The following CEP350 variants were observed in gnomAD, a reference collection of about 807,000 sequenced individuals.
CEP350 encodes the protein centrosome-associated protein 350.
Under a neutral mutation model 331.8 loss-of-function variants are expected in CEP350, and 126 were observed. The observed-to-expected ratio is 0.38, with a 90% CI of 0.33 to 0.44. The LOEUF is 0.44. CEP350 is among the 20% of genes least tolerant of loss of function. CEP350 has a pLI of 1.00. For synonymous variants in CEP350, 1,200 were observed against 1,259.5 expected (o/e 0.95, Z 1.00); for missense variants, 3,406 against 3,634.6 (o/e 0.94, Z 1.62).
chr1:180,011,968 G>T lies in CEP350; in HGVS notation c.1286G>T (p.Gly429Val). Residue 429 changes from glycine (G) to valine (V), a missense_variant, in exon 9 of 38, where the codon GGA becomes GTA. Physicochemically the swap from Gly to Val is moderately radical, Grantham distance 109. Around this residue, in one of 5 missense-constraint regions of CEP350, gnomAD observed 1,857 missense variants for 1,909.2 expected, o/e 0.97. Coordinates refer to ENST00000367607, the MANE Select transcript of CEP350 (RefSeq NM_014810.5). The part of the protein sequence containing the change: ...HLISTSSWRD[G>V]QKLVKKILGP... ...ATAAGTACATCTTCTTGGCGAGATG[G>T]ACAAAAATTAGTAAAGAAGATTCTG... The T allele has an allele frequency of 6.2e-7, 1 of 1,601,810 alleles. No homozygotes were observed. The highest frequency in any genetic ancestry group is 8.5e-7 in the Non-Finnish European group (1 of 1,173,240).
At chr1:180,061,733 TC>T (rs1199472426) in intron 25 of CEP350, among the ~76,000 whole-genome samples, 1 of 152,228 alleles carries the variant, frequency 6.6e-6, no homozygotes, top group African/African-American at 2.4e-5. Context: ...TGATTCATTG[TC>T]TTTGACTTGT....
chr1:179,980,026 G>A (rs1013755320), intron 1 of CEP350, among the ~76,000 whole-genome samples: 4 of 151,984 alleles, frequency 2.6e-5, no homozygotes, highest in African/African-American at 9.7e-5. Flanking sequence ...TGTCTTTTGT[G>A]TTTCCATATG....
At chr1:179,991,667 A>ATATGTG (rs1553252542) in intron 4 of CEP350, among the ~76,000 whole-genome samples, 7 of 90,210 alleles carry the variant, frequency 7.8e-5, no homozygotes, top group African/African-American at 1.7e-4. Context: ...ATATATATAT[A>ATATGTG]TGTGTGTGTG....
intron 5 of CEP350, 35 bp from the exon 6 acceptor site, chr1:179,996,518 A>G: frequency 7.0e-7 from 1 of 1,427,368 alleles, no homozygotes; most frequent in Non-Finnish European, 9.5e-7. Flanking sequence ...TATATTATTA[A>G]TCATAGTCAC....
At chr1:180,056,402 G>T (rs1014766065) in intron 25 of CEP350, among the ~76,000 whole-genome samples, 1 of 144,598 alleles carries the variant, frequency 6.9e-6, no homozygotes, top group East Asian at 2.0e-4. Flanking sequence ...TGAGCTTCTT[G>T]TATTGGTTTT....
chr1:179,979,599 T>C (rs1459593738), intron 1 of CEP350, among the ~76,000 whole-genome samples: 1 of 151,922 alleles, frequency 6.6e-6, no homozygotes, highest in Non-Finnish European at 1.5e-5. Flanking sequence ...CTTTTGGGGG[T>C]CTTGTTCATA....
At position 180,024,550 on chromosome 1, in the gene CEP350, A is replaced by C; in HGVS notation, c.3518A>C (p.Lys1173Thr). 6.2e-7 allele frequency: 1 copy of C among 1,612,470 alleles called. No individual in the cohort carries two copies. The highest frequency in any genetic ancestry group is 8.5e-7 in the Non-Finnish European group (1 of 1,179,318). Reference sequence around the variant, plus strand: ...TCGTCTCGTTCATCTACTTCTTCTAAAGGAAAGAAAGGAAAAAAGGAAAAG... The same window carrying C: ...TCGTCTCGTTCATCTACTTCTTCTACAGGAAAGAAAGGAAAAAAGGAAAAG... ...AASSRSSTSS[K>T]GKKGKKEKTE... Residue 1173 changes from lysine to threonine, a missense_variant, in exon 14 of 38, where the codon AAA (lysine) becomes ACA (threonine). By Grantham distance (78) the Lys-to-Thr change is moderately conservative. Transcript: ENST00000367607.
chr1:180,103,749 C>T (rs75685679), intron 37 of CEP350, among the ~76,000 whole-genome samples: 33 of 152,134 alleles, frequency 2.2e-4, no homozygotes, highest in African/African-American at 6.7e-4. Flanking sequence ...TCCCAATTCT[C>T]TATGGAACTT....
intron 1 of CEP350, among the ~76,000 whole-genome samples, chr1:179,965,807 G>A (rs1244000808): frequency 1.3e-5 from 2 of 151,586 alleles, no homozygotes; most frequent in Admixed American, 1.3e-4. Flanking sequence ...TGTACTTTTA[G>A]TAGAGACGGG....
chr1:180,111,330 G>A lies in CEP350; in HGVS notation c.*169G>A. The stretch of plus-strand genomic sequence containing the variant: ...ACAATGTGGTACACCTGGTATTACA[G>A]CCTTTGCCTTTCGAGACTATCCACT... On this transcript the variant is annotated 3_prime_UTR_variant, in exon 38 of 38. Transcript: ENST00000367607. The A allele has an allele frequency of 2.6e-6, 2 of 758,930 alleles. No individual in the cohort carries two copies. Among genetic ancestry groups the A allele is most frequent in the South Asian group, 2.1e-5 (1 of 48,722 alleles). 47.0% of individuals were successfully genotyped at this position (758,930 alleles called of 1,614,324 possible). A position where few individuals can be genotyped will look rare whatever the true frequency, so the allele number is the denominator to read the frequency against.
At chr1:180,069,802 A>G (rs1209741935) in intron 27 of CEP350, among the ~76,000 whole-genome samples, 1 of 152,182 alleles carries the variant, frequency 6.6e-6, no homozygotes, top group Non-Finnish European at 1.5e-5. Context: ...ACTATGTTCC[A>G]TTTTTAATTA....
At chr1:179,964,863 T>G (rs1650891473) in intron 1 of CEP350, among the ~76,000 whole-genome samples, 1 of 151,906 alleles carries the variant, frequency 6.6e-6, no homozygotes, top group Admixed American at 6.6e-5. Flanking sequence ...TTTTTTTTGT[T>G]GTTGTTTGTT....
chr1:180,020,489 T>C lies in CEP350; in HGVS notation c.2715T>C (p.Thr905=), dbSNP rs773051900. The change falls in exon 12 of 38, where the codon ACT becomes ACC. Residue 905 remains threonine, a synonymous_variant. Transcript: ENST00000367607. The stretch of plus-strand genomic sequence containing the variant: ...TGGGAAGCTGTGTATCTCATGCAAC[T>C]TTTGATGATGATCTTCCTGGTGTAG... ...KMLGSCVSHA[T]FDDDLPGVGN... The C allele has an allele frequency of 6.2e-7, 1 of 1,614,010 alleles. No homozygotes were observed. The highest frequency in any genetic ancestry group is 1.7e-5 in the Admixed American group (1 of 60,020).
intron 37 of CEP350, among the ~76,000 whole-genome samples, chr1:180,102,472 A>G (rs1558162332): frequency 6.6e-6 from 1 of 152,184 alleles, no homozygotes; most frequent in Non-Finnish European, 1.5e-5. Flanking sequence ...AACAAGGGCT[A>G]TGGGAATTAT....
chr1:180,062,470 A>G, intron 26 of CEP350, 104 bp downstream of exon 26: 1 of 1,318,228 alleles, frequency 7.6e-7, no homozygotes, highest in Admixed American at 3.2e-5. Flanking sequence ...AGTATGATAC[A>G]ATAATGAACT....
At chr1:180,028,213 T>A (rs949402281) in intron 14 of CEP350, among the ~76,000 whole-genome samples, 6 of 152,214 alleles carry the variant, frequency 3.9e-5, no homozygotes, top group Non-Finnish European at 8.8e-5. Flanking sequence ...AATATGCTAG[T>A]GCATTACTTA....
chr1:180,062,195 C>T, intron 25 of CEP350, 25 bp from the exon 26 acceptor site: 2 of 1,530,838 alleles, frequency 1.3e-6, no homozygotes, highest in Non-Finnish European at 1.8e-6. Flanking sequence ...AATCTTAATC[C>T]CTCTCTTAAC....
intron 5 of CEP350, among the ~76,000 whole-genome samples, chr1:179,996,259 A>T (rs1653452505): frequency 6.6e-6 from 1 of 152,124 alleles, no homozygotes; most frequent in Non-Finnish European, 1.5e-5. Context: ...ATGCTAGCTT[A>T]GAGTTCTCAG....
intron 37 of CEP350, among the ~76,000 whole-genome samples, chr1:180,107,899 T>A (rs1387078431): frequency 6.6e-6 from 1 of 152,204 alleles, no homozygotes; most frequent in African/African-American, 2.4e-5. Flanking sequence ...AAGCTGTTTA[T>A]ATTTTAAATG....
Sources: gnomAD v4.1 joint callset for allele counts (sites outside exome capture counted in the v4.1 genomes callset) on GRCh38, gnomAD v4.1.1 for gene constraint, gnomAD v4.1.1 regional missense constraint, MANE v1.5 for transcripts, NCBI Gene and HGNC (gene_info 2026-07-23, HGNC 2026-07-21) for gene names.